PDE4D: variants seen among roughly 807,000 people sequenced by gnomAD.
PDE4D encodes phosphodiesterase 4D.
In PDE4D, 24 loss-of-function variants were observed where a neutral mutation model predicts 87.4. The observed-to-expected ratio is 0.27, with a 90% CI of 0.20 to 0.39. The LOEUF (loss-of-function observed/expected upper bound fraction) is 0.39, where lower values mean the gene tolerates loss of function less well. Among genes scored for constraint, PDE4D ranks in the 10% least tolerant of loss-of-function variants. The pLI, the probability that PDE4D is intolerant of heterozygous loss-of-function variation, is 1.00. For synonymous variants in PDE4D, 384 were observed against 383.2 expected (o/e 1.00, Z -0.02); for missense variants, 714 against 1,041.0 (o/e 0.69, Z 4.32).
chr5:60,243,863 C>A (rs1747408178), intron 1 of PDE4D, among the ~76,000 whole-genome samples: 2 of 151,710 alleles, frequency 1.3e-5, no homozygotes, highest in Admixed American at 6.6e-5. Flanking sequence ...AAGGAAGAAA[C>A]ACTGAAAGCC....
chr5:60,439,568 C>CGAA (rs1745028663), intron 1 of PDE4D, among the ~76,000 whole-genome samples: 1 of 152,124 alleles, frequency 6.6e-6, no homozygotes, highest in African/African-American at 2.4e-5. Flanking sequence ...CTTCTTTCAT[C>CGAA]CATAAGTTAA....
Position 59,328,322 on chromosome 5 carries a change from T to C in PDE4D, c.456-112354A>G, listed in dbSNP as rs538356437. Among the ~76,000 whole-genome samples the C allele has an allele frequency of 2.1e-3, 323 of 152,272 alleles. 1 individual carries two copies. The highest frequency in any genetic ancestry group is 6.2e-3 in the South Asian group (30 of 4,824). The stretch of plus-strand genomic sequence containing the variant: ...TACTACATCCCTCCTATGTTTGTTG[T>C]GAGGATTAAAGCACTTCACATATAT... On this transcript the variant is annotated intron_variant, in intron 1 of 14. Transcript: ENST00000340635.
At chr5:59,560,918 G>T (rs1384737610) in intron 1 of PDE4D, 1 of 152,154 alleles carries the variant, frequency 6.6e-6, no homozygotes, top group African/African-American at 2.4e-5. Flanking sequence ...GGAAAGCCTT[G>T]AAAGATTTCA....
chr5:60,473,461 A>G (rs1748013302), intron 1 of PDE4D, among the ~76,000 whole-genome samples: 1 of 152,228 alleles, frequency 6.6e-6, no homozygotes, highest in Admixed American at 6.5e-5. Flanking sequence ...TCTTAATAAT[A>G]TGTATATGTT....
At chr5:59,499,705 C>A (rs542523446) in intron 1 of PDE4D, among the ~76,000 whole-genome samples, 69 of 152,104 alleles carry the variant, frequency 4.5e-4, no homozygotes, top group African/African-American at 1.6e-3. Flanking sequence ...CACACACAAC[C>A]TCCCAAGATT....
At chr5:59,917,769 CA>C (rs1266486781) in intron 3 of PDE4D, among the ~76,000 whole-genome samples, 2 of 152,048 alleles carry the variant, frequency 1.3e-5, no homozygotes, top group African/African-American at 4.8e-5. Flanking sequence ...CACATTATTT[CA>C]ATGCAACTTA....
chr5:60,430,087 A>C (rs1744086510), intron 1 of PDE4D: 1 of 524,342 alleles, frequency 1.9e-6, no homozygotes, highest in Non-Finnish European at 3.8e-6. Flanking sequence ...CCTGGTATCA[A>C]AGTGTGCATC....
chr5:59,637,051 A>C (rs1374602390), intron 1 of PDE4D, among the ~76,000 whole-genome samples: 1 of 152,218 alleles, frequency 6.6e-6, no homozygotes, highest in African/African-American at 2.4e-5. Flanking sequence ...CAAATTTACA[A>C]GAAACAAACA....
chr5:59,807,197 A>G (rs572486738), intron 1 of PDE4D, among the ~76,000 whole-genome samples: 2 of 151,390 alleles, frequency 1.3e-5, no homozygotes, highest in Non-Finnish European at 2.9e-5. Context: ...CCAGACAAAA[A>G]GAGGTCCTGC....
chr5:60,261,807 G>A (rs1749673066), intron 1 of PDE4D, among the ~76,000 whole-genome samples: 1 of 151,918 alleles, frequency 6.6e-6, no homozygotes, highest in Non-Finnish European at 1.5e-5. Context: ...CAATCTCCTG[G>A]GCCACAAGTG....
intron 1 of PDE4D, among the ~76,000 whole-genome samples, chr5:59,682,087 G>C (rs1259530356): frequency 6.6e-6 from 1 of 151,848 alleles, no homozygotes. Flanking sequence ...TACCCAGTTT[G>C]TGGTATCTGT....
intron 6 of PDE4D, among the ~76,000 whole-genome samples, chr5:59,026,592 A>T (rs1756297508): frequency 6.6e-6 from 1 of 152,222 alleles, no homozygotes; most frequent in African/African-American, 2.4e-5. Context: ...TAAAACAGAG[A>T]CACAAAATAT....
chr5:59,114,323 A>T (rs945094033), intron 5 of PDE4D, among the ~76,000 whole-genome samples: 7 of 152,184 alleles, frequency 4.6e-5, no homozygotes, highest in African/African-American at 1.4e-4. Flanking sequence ...TAGAGTTTTG[A>T]TGCTTTTATG....
intron 1 of PDE4D, among the ~76,000 whole-genome samples, chr5:60,453,496 T>C (rs528622448): frequency 1.5e-4 from 23 of 152,220 alleles, no homozygotes; most frequent in African/African-American, 5.3e-4. Flanking sequence ...AAATCAAATC[T>C]TTGGGAATAT....
At chr5:59,992,322 G>A (rs931104423) in intron 2 of PDE4D, among the ~76,000 whole-genome samples, 8 of 152,112 alleles carry the variant, frequency 5.3e-5, no homozygotes, top group African/African-American at 1.9e-4. Context: ...TTGAAGTTTT[G>A]GGACTCGAAT....
chr5:59,798,596 C>A (rs1766776663), intron 1 of PDE4D, among the ~76,000 whole-genome samples: 1 of 152,098 alleles, frequency 6.6e-6, no homozygotes, highest in African/African-American at 2.4e-5. Flanking sequence ...AGAAAAAACC[C>A]AAGCAAACCT....
rs74815563 is a variant in PDE4D, at chr5:60,270,328, G to A, written c.-89-84641C>T. 1.4e-4 allele frequency among the ~76,000 whole-genome samples: 22 copies of A among 152,264 alleles called. No individual in the cohort carries two copies. The East Asian group carries it at 2.3e-3, about 16-fold the overall frequency. The stretch of plus-strand genomic sequence containing the variant: ...TAGAAAGTAGGAGACAAGGGAACCC[G>A]TTGGTGTAACATCTCTTTGCTCTTG... On this transcript the variant is annotated intron_variant, in intron 1 of 16. Transcript: ENST00000502484.
At chr5:59,756,378 T>C (rs1429186536) in intron 1 of PDE4D, among the ~76,000 whole-genome samples, 1 of 152,158 alleles carries the variant, frequency 6.6e-6, no homozygotes. Flanking sequence ...GCATAAATAA[T>C]TTTCAAAGTA....
chr5:59,798,018 T>C (rs1766688022), intron 1 of PDE4D, among the ~76,000 whole-genome samples: 1 of 151,988 alleles, frequency 6.6e-6, no homozygotes, highest in African/African-American at 2.4e-5. Flanking sequence ...GGAGGATCAC[T>C]TACACCTAGG....
Sources: allele counts gnomAD v4.1 joint callset (sites outside exome capture counted in the v4.1 genomes callset), GRCh38; gene constraint gnomAD v4.1.1; transcripts MANE v1.5; gene names NCBI Gene and HGNC (gene_info 2026-07-23, HGNC 2026-07-21).